The following HECW1 variants were observed in gnomAD, a reference collection of about 807,000 sequenced individuals.
HECW1 encodes HECT, C2 and WW domain containing E3 ubiquitin protein ligase 1.
In HECW1, 61 loss-of-function variants were observed where a neutral mutation model predicts 182.3. The ratio of observed to expected loss-of-function variants is 0.33; its 90% CI spans 0.27 to 0.41. The LOEUF is 0.41. Ranked by LOEUF, HECW1 falls within the 10% of genes least tolerant of loss-of-function variation. The pLI, the probability that HECW1 is intolerant of heterozygous loss-of-function variation, is 1.00. For synonymous variants in HECW1, 859 were observed against 832.6 expected (o/e 1.03, Z -0.55); for missense variants, 1,739 against 2,108.9 (o/e 0.82, Z 3.44).
chr7:43,396,673 A>G (rs1263613161), intron 6 of HECW1, 141 bp from the exon 7 acceptor site: 2 of 609,580 alleles, frequency 3.3e-6, no homozygotes, highest in Non-Finnish European at 5.9e-6. Flanking sequence ...AAGTTGTTTT[A>G]ATCAATAGTT....
At chr7:43,534,467 C>T (rs2081104251) in intron 24 of HECW1, among the ~76,000 whole-genome samples, 1 of 152,142 alleles carries the variant, frequency 6.6e-6, no homozygotes, top group Non-Finnish European at 1.5e-5. Flanking sequence ...CTATTTCAGC[C>T]CCTTGATGTA....
chr7:43,215,795 T>C (rs915485065), intron 2 of HECW1, among the ~76,000 whole-genome samples: 1 of 152,222 alleles, frequency 6.6e-6, no homozygotes, highest in Non-Finnish European at 1.5e-5. Flanking sequence ...TATACTGTTA[T>C]ATTTTATTAA....
At chr7:43,199,443 G>T (rs1412996944) in intron 2 of HECW1, among the ~76,000 whole-genome samples, 1 of 152,122 alleles carries the variant, frequency 6.6e-6, no homozygotes, top group Non-Finnish European at 1.5e-5. Context: ...TTCATTAACA[G>T]TTGAATATTT....
At chr7:43,337,756 T>C (rs561227145) in intron 5 of HECW1, among the ~76,000 whole-genome samples, 1 of 152,338 alleles carries the variant, frequency 6.6e-6, no homozygotes, top group African/African-American at 2.4e-5. Flanking sequence ...TTCCAGCAAA[T>C]TCTAAACCTA....
chr7:43,265,054 AAGT>A (rs1270231460), intron 3 of HECW1, among the ~76,000 whole-genome samples: 1 of 152,162 alleles, frequency 6.6e-6, no homozygotes, highest in African/African-American at 2.4e-5. Flanking sequence ...AATGGACAGA[AAGT>A]AGGTCAGGAT....
At chr7:43,328,782 A>G (rs551362221) in intron 5 of HECW1, among the ~76,000 whole-genome samples, 13 of 152,304 alleles carry the variant, frequency 8.5e-5, no homozygotes, top group African/African-American at 2.4e-4. Flanking sequence ...AGTCAGATAC[A>G]TGTCAGATCT....
chr7:43,280,997 C>G (rs1374345916), intron 3 of HECW1, among the ~76,000 whole-genome samples: 2 of 152,042 alleles, frequency 1.3e-5, no homozygotes, highest in Non-Finnish European at 2.9e-5. Flanking sequence ...GGCTGTTTCT[C>G]CCCCCATGAA....
At chr7:43,422,288 G>A (rs1320959490) in intron 8 of HECW1, among the ~76,000 whole-genome samples, 1 of 151,814 alleles carries the variant, frequency 6.6e-6, no homozygotes, top group African/African-American at 2.4e-5. Context: ...TCAAATATGG[G>A]CATAAACACC....
intron 3 of HECW1, among the ~76,000 whole-genome samples, chr7:43,285,653 A>AT (rs1804550052): frequency 6.6e-6 from 1 of 152,120 alleles, no homozygotes; most frequent in Non-Finnish European, 1.5e-5. Context: ...TTATTAAAAA[A>AT]TTTTTAAAAA....
chr7:43,241,660 GTT>G (rs1798899407), intron 2 of HECW1, among the ~76,000 whole-genome samples: 1 of 140,244 alleles, frequency 7.1e-6, no homozygotes, highest in African/African-American at 2.7e-5. Context: ...GTGTGTGTGT[GTT>G]TAATTAATTG....
chr7:43,512,056 C>A, intron 24 of HECW1: 1 of 217,964 alleles, frequency 4.6e-6, no homozygotes, highest in Non-Finnish European at 9.2e-6. Context: ...GTAGCTGCTG[C>A]TGATCTCGGG....
At chr7:43,219,561 G>GGT (rs1796767447) in intron 2 of HECW1, among the ~76,000 whole-genome samples, 1 of 152,032 alleles carries the variant, frequency 6.6e-6, no homozygotes, top group Non-Finnish European at 1.5e-5. Flanking sequence ...ACTCTAAGGG[G>GGT]GTGTGTGTGA....
intron 2 of HECW1, among the ~76,000 whole-genome samples, chr7:43,207,145 C>T (rs1015237745): frequency 6.6e-6 from 1 of 152,130 alleles, no homozygotes; most frequent in Non-Finnish European, 1.5e-5. Context: ...CTCCTGGGTT[C>T]AAGCAATTAT....
At chr7:43,116,283 C>G (rs1249952162) in intron 2 of HECW1, among the ~76,000 whole-genome samples, 2 of 152,182 alleles carry the variant, frequency 1.3e-5, no homozygotes, top group Admixed American at 6.5e-5. Context: ...TATCTGATAA[C>G]TGCTCTGTTC....
chr7:43,246,745 T>C (rs1344321557), intron 3 of HECW1, among the ~76,000 whole-genome samples: 1 of 152,330 alleles, frequency 6.6e-6, no homozygotes, highest in South Asian at 2.1e-4. Context: ...GACTGGCATC[T>C]CTGTGTCTGT....
intron 2 of HECW1, among the ~76,000 whole-genome samples, chr7:43,117,489 C>G (rs1362935849): frequency 2.1e-5 from 3 of 143,938 alleles, no homozygotes; most frequent in African/African-American, 7.8e-5. Flanking sequence ...TCAATCTTTT[C>G]TACTTTCTGA....
At chr7:43,262,726 T>A (rs1446830232) in intron 3 of HECW1, among the ~76,000 whole-genome samples, 1 of 152,238 alleles carries the variant, frequency 6.6e-6, no homozygotes, top group Admixed American at 6.5e-5. Flanking sequence ...CATTTCCTCC[T>A]TTGCTTCCTC....
chr7:43,379,121 C>A (rs1310689998), intron 6 of HECW1, among the ~76,000 whole-genome samples: 2 of 152,186 alleles, frequency 1.3e-5, no homozygotes, highest in Non-Finnish European at 2.9e-5. Context: ...AAACTTAATT[C>A]TCTGTCCACT....
chr7:43,360,755 AT>A (rs1458341072), intron 5 of HECW1, 130 bp from the exon 6 acceptor site: 18 of 706,546 alleles, frequency 2.5e-5, no homozygotes, highest in Non-Finnish European at 4.4e-5. Flanking sequence ...GAGGAGCATC[AT>A]TGTCGAGTGT....
Sources: gnomAD v4.1 joint callset for allele counts (sites outside exome capture counted in the v4.1 genomes callset) on GRCh38, gnomAD v4.1.1 for gene constraint, MANE v1.5 for transcripts, NCBI Gene and HGNC (gene_info 2026-07-23, HGNC 2026-07-21) for gene names.